Variants in LINGO2 observed in about 807,000 individuals in gnomAD.
LINGO2 encodes leucine-rich repeat and immunoglobulin-like domain-containing nogo receptor-interacting protein 2.
In LINGO2, 14 loss-of-function variants were observed where a neutral mutation model predicts 30.6. The observed-to-expected ratio is 0.46, with a 90% CI of 0.30 to 0.72. LINGO2 has a LOEUF of 0.72. Ranked by LOEUF, LINGO2 falls within the 30% of genes least tolerant of loss-of-function variation. The pLI is 0.07. For missense variants in LINGO2, 729 were observed against 751.7 expected (o/e 0.97, Z 0.35); for synonymous variants, 317 against 288.5 (o/e 1.10, Z -1.00).
chr9:29,033,466 C>T, the LINGO2 span, among the ~76,000 whole-genome samples: 6 of 150,136 alleles, frequency 4.0e-5, no homozygotes, highest in South Asian at 2.1e-4. Context: ...AACACACGTA[C>T]GGGGTTGAAA....
rs73644048 is a variant in LINGO2 at position 28,485,115 on chromosome 9, A to G, written c.-364-9090T>C. On this transcript the variant is annotated intron_variant, in intron 1 of 5. Transcript: ENST00000379992. ...TAATATTTCCTGGTAAGGGATTTCAATGATTCCCAACTTCTTATTTGTCAG... is the reference window on the plus strand; with the variant it reads ...TAATATTTCCTGGTAAGGGATTTCAGTGATTCCCAACTTCTTATTTGTCAG... Among the ~76,000 whole-genome samples, 1,299 of 152,244 alleles carry G rather than the reference A, an allele frequency of 8.5e-3. 15 individuals are homozygous for G. Among genetic ancestry groups the G allele is most frequent in the African/African-American group, 0.03 (1,231 of 41,562 alleles).
At chr9:29,033,118 C>T in the LINGO2 span, among the ~76,000 whole-genome samples, 98 of 152,190 alleles carry the variant, frequency 6.4e-4, no homozygotes, top group Non-Finnish European at 4.4e-4. Flanking sequence ...GGAACAGCTT[C>T]TTATTCTTCA....
intron 4 of LINGO2, among the ~76,000 whole-genome samples, chr9:28,082,526 AT>A (rs1478141261): frequency 6.6e-6 from 1 of 152,148 alleles, no homozygotes; most frequent in African/African-American, 2.4e-5. Context: ...TGGGTATAAC[AT>A]TTGAGTAGGA....
chr9:29,019,663 C>A, the LINGO2 span, among the ~76,000 whole-genome samples: 3 of 152,174 alleles, frequency 2.0e-5, no homozygotes, highest in Non-Finnish European at 2.9e-5. Flanking sequence ...TACATAGCGA[C>A]TGGCACAGTA....
At chr9:28,473,745 T>C (rs1302680716) in intron 2 of LINGO2, among the ~76,000 whole-genome samples, 1 of 152,102 alleles carries the variant, frequency 6.6e-6, no homozygotes, top group Non-Finnish European at 1.5e-5. Flanking sequence ...TAGGTTTTCT[T>C]TACTTTAGTT....
the LINGO2 span, among the ~76,000 whole-genome samples, chr9:28,963,719 C>G: frequency 6.6e-6 from 1 of 151,736 alleles, no homozygotes; most frequent in Non-Finnish European, 1.5e-5. Flanking sequence ...CATATGTGAG[C>G]TAAGAAATTT....
chr9:28,556,618 A>C (rs987640834), intron 1 of LINGO2, among the ~76,000 whole-genome samples: 22 of 152,098 alleles, frequency 1.4e-4, no homozygotes, highest in African/African-American at 4.8e-4. Context: ...GCTACCAATG[A>C]CTTTCTTCAC....
chr9:28,305,804 C>A (rs1416453469), intron 3 of LINGO2, among the ~76,000 whole-genome samples: 2 of 151,932 alleles, frequency 1.3e-5, no homozygotes, highest in African/African-American at 4.8e-5. Flanking sequence ...TTTTCTAACC[C>A]ATGAATGTGG....
At chr9:29,199,859 T>C in the LINGO2 span, among the ~76,000 whole-genome samples, 2 of 152,032 alleles carry the variant, frequency 1.3e-5, no homozygotes, top group East Asian at 1.9e-4. Context: ...AAAGACCAGT[T>C]GGCTTAAATA....
chr9:28,194,561 T>TAA (rs555810032), intron 4 of LINGO2, among the ~76,000 whole-genome samples: 7,919 of 114,396 alleles, frequency 0.069, 367 homozygotes, highest in African/African-American at 0.14. Flanking sequence ...CTCTCTATCC[T>TAA]AAAAAAAAAA....
At chr9:28,985,071 AT>A in the LINGO2 span, among the ~76,000 whole-genome samples, 1 of 151,984 alleles carries the variant, frequency 6.6e-6, no homozygotes, top group Non-Finnish European at 1.5e-5. Flanking sequence ...TTCTGCTTCT[AT>A]GAGTTTGACT....
At chr9:28,749,383 G>A in the LINGO2 span, among the ~76,000 whole-genome samples, 1 of 152,008 alleles carries the variant, frequency 6.6e-6, no homozygotes, top group Non-Finnish European at 1.5e-5. Context: ...ACTTGGAAAT[G>A]TACATTTAAA....
intron 1 of LINGO2, among the ~76,000 whole-genome samples, chr9:28,512,420 C>G (rs554939036): frequency 2.0e-5 from 3 of 151,728 alleles, no homozygotes; most frequent in Admixed American, 1.3e-4. Flanking sequence ...CTATCTGCCA[C>G]TGACACCTCA....
At chr9:27,977,182 A>G (rs1820640410) in intron 5 of LINGO2, among the ~76,000 whole-genome samples, 1 of 151,924 alleles carries the variant, frequency 6.6e-6, no homozygotes, top group African/African-American at 2.4e-5. Context: ...CCATTTTCAA[A>G]GAGTGGAAGA....
chr9:28,916,837 G>T, the LINGO2 span, among the ~76,000 whole-genome samples: 1 of 152,192 alleles, frequency 6.6e-6, no homozygotes, highest in Non-Finnish European at 1.5e-5. Flanking sequence ...TTAAATAGGT[G>T]TATATTCTAC....
At chr9:28,001,199 G>C (rs933230615) in intron 5 of LINGO2, among the ~76,000 whole-genome samples, 2 of 152,200 alleles carry the variant, frequency 1.3e-5, no homozygotes, top group South Asian at 4.2e-4. Context: ...AGACCAATAT[G>C]TAAAATAGAT....
chr9:29,172,399 A>G, the LINGO2 span, among the ~76,000 whole-genome samples: 42 of 152,026 alleles, frequency 2.8e-4, no homozygotes, highest in African/African-American at 9.6e-4. Context: ...CAGGAAATTT[A>G]AAACTCGTTT....
intron 4 of LINGO2, among the ~76,000 whole-genome samples, chr9:28,039,592 T>C (rs1824105414): frequency 6.6e-6 from 1 of 152,172 alleles, no homozygotes; most frequent in Non-Finnish European, 1.5e-5. Flanking sequence ...GTAAGTCTTT[T>C]GGACTCTGTA....
intron 4 of LINGO2, among the ~76,000 whole-genome samples, chr9:28,033,732 G>A (rs1823795603): frequency 6.6e-6 from 1 of 152,106 alleles, no homozygotes; most frequent in Non-Finnish European, 1.5e-5. Context: ...CACATCATGT[G>A]TGAAACTTAT....
Sources: gnomAD v4.1 joint callset for allele counts (sites outside exome capture counted in the v4.1 genomes callset) on GRCh38, gnomAD v4.1.1 for gene constraint, MANE v1.5 for transcripts, NCBI Gene and HGNC (gene_info 2026-07-23, HGNC 2026-07-21) for gene names.